The following NUCB1 variants were observed in gnomAD, a reference collection of about 807,000 sequenced individuals.
NUCB1 encodes the protein nucleobindin 1.
Under a neutral mutation model 61.2 loss-of-function variants are expected in NUCB1, and 47 were observed. The ratio of observed to expected loss-of-function variants is 0.77; its 90% CI spans 0.61 to 0.98. NUCB1 has a LOEUF of 0.98. NUCB1 is among the 50% of genes least tolerant of loss of function. The probability of loss-of-function intolerance (pLI) is 0.00; values close to 1 mark genes in which losing one functional copy is unlikely to be tolerated. For missense variants in NUCB1, 583 were observed against 605.3 expected (o/e 0.96, Z 0.39); for synonymous variants, 234 against 243.1 (o/e 0.96, Z 0.35).
In NUCB1 at chr19:48,913,173, G is replaced by A. The variant is rs760994294; in HGVS notation, c.643G>A (p.Glu215Lys). 12 of 1,613,262 alleles carry A rather than the reference G, an allele frequency of 7.4e-6. No individual in the cohort carries two copies. The highest frequency in any genetic ancestry group is 2.2e-5 in the South Asian group (2 of 91,042). Residue 215 changes from glutamate to lysine, a missense_variant, in exon 6 of 13, where the codon GAG (glutamate) becomes AAG (lysine). By Grantham distance (56) the Glu-to-Lys change is moderately conservative (BLOSUM62 1). Coordinates refer to ENST00000405315, the MANE Select transcript of NUCB1 (RefSeq NM_006184.6). ...GGAAGAGCAACAGCGCCGGCACCGC[G>A]AGCACCCTAAAGTCAACGTGCCTGT... ...KLEEQQRRHR[E>K]HPKVNVPGSQ...
intron 6 of NUCB1, 69 bp from the exon 7 acceptor site, chr19:48,913,405 G>C: frequency 1.4e-6 from 2 of 1,386,134 alleles, no homozygotes; most frequent in African/African-American, 2.8e-5. Context: ...TGAGGGTAAA[G>C]GGATATTTGG....
chr19:48,917,409 G>T (rs2037553082), intron 7 of NUCB1, among the ~76,000 whole-genome samples: 1 of 150,950 alleles, frequency 6.6e-6, no homozygotes, highest in Admixed American at 6.6e-5. Flanking sequence ...CTGCAACCCA[G>T]ACCTCCTGGG....
chr19:48,913,370 C>T (rs2037501481), intron 6 of NUCB1, 104 bp from the exon 7 acceptor site: 2 of 1,258,582 alleles, frequency 1.6e-6, no homozygotes, highest in Admixed American at 3.8e-5. Flanking sequence ...AGTTTTCTTG[C>T]TTGAGGGAGA....
At chr19:48,910,312 G>A (rs2037457866) in intron 4 of NUCB1, among the ~76,000 whole-genome samples, 1 of 151,484 alleles carries the variant, frequency 6.6e-6, no homozygotes, top group South Asian at 2.1e-4. Flanking sequence ...TCTTGATCTT[G>A]TGATCCGCCC....
intron 5 of NUCB1, 133 bp downstream of exon 5, chr19:48,911,385 T>G: frequency 1.7e-6 from 1 of 586,414 alleles, no homozygotes; most frequent in Non-Finnish European, 3.0e-6. Context: ...GGTAGAGGGC[T>G]GAGTCGTTTC....
intron 8 of NUCB1, 21 bp downstream of exon 8, chr19:48,918,805 G>A (rs577894188): frequency 2.2e-5 from 36 of 1,611,094 alleles, no homozygotes; most frequent in Non-Finnish European, 2.7e-5. Flanking sequence ...TGGAAGCCTC[G>A]GGCACCTGGA....
In NUCB1 at chr19:48,905,989, C is replaced by A. The variant is rs1185374899; in HGVS notation, c.376+104C>A. On this transcript the variant is annotated intron_variant, in intron 4 of 12. Transcript: ENST00000405315. ...TGTGCTAGGCAGGTGAGGCCTCCCT[C>A]CCCGCTGCGAAATGTGCTGAAATGT... 3 of 1,230,890 alleles carry A rather than the reference C, an allele frequency of 2.4e-6. No homozygotes were observed. In the Admixed American group the frequency reaches 6.4e-5, roughly 26 times the overall value. The allele number at this position is 1,230,890 out of a possible 1,614,324, so 76.2% of individuals were successfully genotyped here.
intron 7 of NUCB1, among the ~76,000 whole-genome samples, chr19:48,916,654 A>C (rs8108196): frequency 0.56 from 84,754 of 151,664 alleles, 25,428 homozygotes; most frequent in South Asian, 0.74. Context: ...TCAGTGGCTC[A>C]CGCCTGTAGT....
At position 48,913,544 on chromosome 19, in the gene NUCB1, A is replaced by C; in HGVS notation, c.737A>C (p.Lys246Thr). ...DGLDPNRFNPKTFFILHDINS... is the reference protein window; with the variant it reads ...DGLDPNRFNPTTFFILHDINS... ...CTGGACCCCAACAGGTTTAACCCCA[A>C]GACCTTCTTCATACTGCATGGTAAG... The change falls in exon 7 of 13, where the codon AAG (lysine) becomes ACG (threonine). Residue 246 changes from lysine (K) to threonine (T), a missense_variant. By Grantham distance (78) the Lys-to-Thr change is moderately conservative. Transcript: ENST00000405315. 1 of 1,614,072 alleles carries C rather than the reference A, an allele frequency of 6.2e-7. No individual in the cohort carries two copies. The highest frequency in any genetic ancestry group is 1.1e-5 in the South Asian group (1 of 91,082).
At chr19:48,907,380 A>G (rs1487327704) in intron 4 of NUCB1, among the ~76,000 whole-genome samples, 3 of 150,792 alleles carry the variant, frequency 2.0e-5, no homozygotes, top group Non-Finnish European at 4.4e-5. Context: ...GGTTCAAGCA[A>G]TTCTCCTGCC....
Position 48,918,749 on chromosome 19 carries a change from G to C in NUCB1, c.781G>C (p.Asp261His). Residue 261 changes from aspartate to histidine, a missense_variant, in exon 8 of 13, where the codon GAT becomes CAT. Coordinates refer to ENST00000405315, the MANE Select transcript of NUCB1 (RefSeq NM_006184.6). ...AGATATCAACAGTGATGGTGTCCTGGATGAGCAGGAGCTGGAGGCACTCTT... is the reference window on the plus strand; with the variant it reads ...AGATATCAACAGTGATGGTGTCCTGCATGAGCAGGAGCTGGAGGCACTCTT... ...LHDINSDGVL[D>H]EQELEALFTK... 1.2e-6 allele frequency: 2 copies of C among 1,614,080 alleles called. No individual in the cohort carries two copies. The highest frequency in any genetic ancestry group is 1.7e-6 in the Non-Finnish European group (2 of 1,179,948).
chr19:48,917,197 TG>T (rs1438840433), intron 7 of NUCB1, among the ~76,000 whole-genome samples: 1 of 152,146 alleles, frequency 6.6e-6, no homozygotes, highest in African/African-American at 2.4e-5. Context: ...CACTCCAGCC[TG>T]GGTGACAGAG....
chr19:48,920,522 ATTTG>A (rs1488110183), intron 10 of NUCB1, among the ~76,000 whole-genome samples: 5 of 150,840 alleles, frequency 3.3e-5, no homozygotes, highest in Admixed American at 6.6e-5. Flanking sequence ...TTATTTATTT[ATTTG>A]TTTGTTTATT....
In NUCB1 at chr19:48,913,710, C is replaced by T. The variant is rs563607378; in HGVS notation, c.757+146C>T. On this transcript the variant is annotated intron_variant, in intron 7 of 12. Coordinates refer to ENST00000405315, the MANE Select transcript of NUCB1 (RefSeq NM_006184.6). ...CTATGTCCCCTGGTTGACCAGACAG[C>T]CCTGCCTCTCCCGACTACAAGGCTA... 218 of 645,340 alleles carry T rather than the reference C, an allele frequency of 3.4e-4. 1 individual carries two copies. The highest frequency in any genetic ancestry group is 2.4e-3 in the South Asian group (127 of 53,754). 40.0% of individuals were successfully genotyped at this position (645,340 alleles called of 1,614,324 possible).
rs779169564 is a variant in NUCB1 at position 48,905,914 on chromosome 19, G to A, written c.376+29G>A. On this transcript the variant is annotated intron_variant, in intron 4 of 12. Coordinates refer to ENST00000405315, the MANE Select transcript of NUCB1 (RefSeq NM_006184.6). ...AGCAGGGGCAGGGCGGGAGGGACAG[G>A]CAGGGAGGGGTGGGGAAGGGTGGCC... 4.7e-6 allele frequency: 5 copies of A among 1,054,832 alleles called. No homozygotes were observed. In the East Asian group the frequency reaches 1.2e-4, roughly 24 times the overall value. The allele number at this position is 1,054,832 out of a possible 1,614,324, so 65.3% of individuals were successfully genotyped here.
At chr19:48,908,672 TG>T (rs1390207577) in intron 4 of NUCB1, among the ~76,000 whole-genome samples, 1 of 146,384 alleles carries the variant, frequency 6.8e-6, no homozygotes, top group Non-Finnish European at 1.5e-5. Context: ...TGTGTGTGTG[TG>T]TGTGTGTGTG....
intron 4 of NUCB1, among the ~76,000 whole-genome samples, chr19:48,906,106 T>G (rs1193380810): frequency 6.6e-6 from 1 of 152,158 alleles, no homozygotes; most frequent in Non-Finnish European, 1.5e-5. Flanking sequence ...TTTGTTGTTT[T>G]TAAAAATCTT....
At position 48,905,845 on chromosome 19, in the gene NUCB1, G is replaced by T; in HGVS notation, c.336G>T (p.Arg112=). Residue 112 remains arginine, a synonymous_variant, in exon 4 of 13, where the codon CGG becomes CGT. Coordinates refer to ENST00000405315, the MANE Select transcript of NUCB1 (RefSeq NM_006184.6). ...AGCGACAGGAGGTGTCACGGCTGCG[G>T]ATGCTGCTCAAGGCCAAGATGGACG... ...ELKRQEVSRL[R]MLLKAKMDAE... is the part of the protein sequence containing the mutation. 6.9e-7 allele frequency: 1 copy of T among 1,447,048 alleles called. No homozygotes were observed. Among genetic ancestry groups the T allele is most frequent in the Non-Finnish European group, 9.3e-7 (1 of 1,071,330 alleles). The allele number at this position is 1,447,048 out of a possible 1,614,324, so 89.6% of individuals were successfully genotyped here.
rs1058491 is a variant in NUCB1, at chr19:48,922,581, G to A, written c.*157G>A. On this transcript the variant is annotated 3_prime_UTR_variant, in exon 13 of 13. Transcript: ENST00000405315. ...ATTTCACGCATTGCTGCCACCCCAGGTCCACCTGTCTCCACTTTCACAGCC... is the reference window on the plus strand; with the variant it reads ...ATTTCACGCATTGCTGCCACCCCAGATCCACCTGTCTCCACTTTCACAGCC... 390,963 of 617,124 alleles carry A rather than the reference G, an allele frequency of 0.63. 134,181 individuals are homozygous for A. Among genetic ancestry groups the A allele is most frequent in the Non-Finnish European group, 0.72 (248,214 of 343,656 alleles). 38.2% of individuals were successfully genotyped at this position (617,124 alleles called of 1,614,324 possible). A position where few individuals can be genotyped will look rare whatever the true frequency, so the allele number is the denominator to read the frequency against.
Sources: gnomAD v4.1 joint callset for allele counts (sites outside exome capture counted in the v4.1 genomes callset) on GRCh38, gnomAD v4.1.1 for gene constraint, MANE v1.5 for transcripts, NCBI Gene and HGNC (gene_info 2026-07-23, HGNC 2026-07-21) for gene names.